Variants in FGF13 observed in about 807,000 individuals in gnomAD.
FGF13 encodes fibroblast growth factor 13, also known as fibroblast growth factor homologous factor 2.
A neutral mutation model predicts 19.5 loss-of-function variants in FGF13; 2 were observed. The observed-to-expected ratio is 0.10, with a 90% CI of 0.04 to 0.32. The LOEUF (loss-of-function observed/expected upper bound fraction) is 0.32, where lower values mean the gene tolerates loss of function less well. Among genes scored for constraint, FGF13 ranks in the 10% least tolerant of loss-of-function variants. The pLI, the probability that FGF13 is intolerant of heterozygous loss-of-function variation, is 1.00. For missense variants in FGF13, 113 were observed against 192.7 expected (o/e 0.59, Z 2.45); for synonymous variants, 72 against 76.9 (o/e 0.94, Z 0.33).
intron 3 of FGF13, among the ~76,000 whole-genome samples, chrX:138,846,217 G>A (rs995311389): frequency 9.2e-6 from 1 of 109,072 alleles, no homozygotes; most frequent in Admixed American, 9.8e-5. Flanking sequence ...GTGTGTGTGT[G>A]TGTGTATTCA....
intron 1 of FGF13, among the ~76,000 whole-genome samples, chrX:139,189,813 A>G (rs964960734): frequency 2.7e-5 from 3 of 111,976 alleles, no homozygotes; most frequent in African/African-American, 9.7e-5. Context: ...CTGTACACAT[A>G]AAAATGGTTA....
chrX:139,045,915 A>G lies in FGF13; in HGVS notation c.-113+157501T>C, dbSNP rs751877432. The stretch of plus-strand genomic sequence containing the variant: ...ACCTGTCTTCTTCTGAGCCCTCTAA[A>G]CTCTTCCAACCTATGCTCGTTACCC... On this transcript the variant is annotated intron_variant, in intron 1 of 2. Transcript: ENST00000421460. 7.6e-4 allele frequency among the ~76,000 whole-genome samples: 84 copies of G among 110,095 alleles called. 1 individual carries two copies. The highest frequency in any genetic ancestry group is 2.8e-3 in the African/African-American group (83 of 30,038).
At chrX:139,108,654 T>A (rs867460640) in intron 1 of FGF13, among the ~76,000 whole-genome samples, 2 of 111,111 alleles carry the variant, frequency 1.8e-5, no homozygotes, top group African/African-American at 3.3e-5. Context: ...GCATGGATTT[T>A]TATATATATA....
intron 1 of FGF13, among the ~76,000 whole-genome samples, chrX:138,972,406 G>C (rs2091921705): frequency 9.5e-6 from 1 of 105,103 alleles, no homozygotes; most frequent in Non-Finnish European, 1.9e-5. Flanking sequence ...GCCCAGGCTG[G>C]AGTGCAGTGG....
intron 1 of FGF13, among the ~76,000 whole-genome samples, chrX:138,871,071 T>C (rs2091355063): frequency 8.9e-6 from 1 of 112,186 alleles, no homozygotes; most frequent in Non-Finnish European, 1.9e-5. Flanking sequence ...TGTGGTAATA[T>C]GTTATGGCAG....
At chrX:139,014,747 A>C (rs1021164907) in intron 1 of FGF13, among the ~76,000 whole-genome samples, 1 of 111,709 alleles carries the variant, frequency 9.0e-6, no homozygotes, top group African/African-American at 3.2e-5. Context: ...TACCAAAGCC[A>C]GACAAAGATA....
chrX:138,708,581 T>G (rs1013419967), intron 2 of FGF13, among the ~76,000 whole-genome samples: 5 of 112,171 alleles, frequency 4.5e-5, no homozygotes, highest in African/African-American at 1.6e-4. Context: ...TAGATTTCCA[T>G]GGAGATGACA....
chrX:139,076,394 A>T (rs2124437733), intron 1 of FGF13, among the ~76,000 whole-genome samples: 1 of 111,944 alleles, frequency 8.9e-6, no homozygotes, highest in Non-Finnish European at 1.9e-5. Flanking sequence ...TTGGATACTT[A>T]CTTACTTTCA....
intron 1 of FGF13, among the ~76,000 whole-genome samples, chrX:139,063,312 A>G (rs756788257): frequency 1.8e-5 from 2 of 111,871 alleles, no homozygotes; most frequent in South Asian, 7.5e-4. Context: ...GTCTGTCTAC[A>G]TGCTCTCTTA....
chrX:138,849,575 G>A (rs1161815178), intron 3 of FGF13, among the ~76,000 whole-genome samples: 2 of 111,616 alleles, frequency 1.8e-5, no homozygotes, highest in African/African-American at 3.3e-5. Flanking sequence ...TCAGGATTGG[G>A]CTTGATTTGG....
At chrX:139,174,573 T>C (rs1319220067) in intron 1 of FGF13, among the ~76,000 whole-genome samples, 1 of 112,192 alleles carries the variant, frequency 8.9e-6, no homozygotes, top group East Asian at 2.8e-4. Context: ...AATTTTTGTA[T>C]AAGATGTAAG....
At position 139,130,444 on chromosome X, in the gene FGF13, CAT is replaced by C. The variant is rs368027906; in HGVS notation, c.-113+72970_-113+72971del. ...TTCTTCAATTGTTTGCAACTAAAAA[CAT>C]GTGTTAATTTGCTTTGAATTACATG... On this transcript the variant is annotated intron_variant, in intron 1 of 2. Transcript: ENST00000421460. Among the ~76,000 whole-genome samples the C allele has an allele frequency of 6.3e-3, 710 of 112,221 alleles. 3 individuals carry two copies. Among genetic ancestry groups the C allele is most frequent in the Non-Finnish European group, 0.01 (540 of 53,238 alleles).
At position 138,961,372 on chromosome X, in the gene FGF13, A is replaced by C. The variant is rs148833118; in HGVS notation, c.-112-96722T>G. 7.0e-3 allele frequency among the ~76,000 whole-genome samples: 779 copies of C among 111,161 alleles called. 7 individuals are homozygous for C. Among genetic ancestry groups the C allele is most frequent in the African/African-American group, 0.023 (716 of 30,602 alleles). On this transcript the variant is annotated intron_variant, in intron 1 of 2. Coordinates refer to the FGF13 transcript ENST00000421460. ...AGAACAGCAAATACTGCAGAACACGATCCTTCCTCTGGTAGCTTTGTCTCT... is the reference window on the plus strand; with the variant it reads ...AGAACAGCAAATACTGCAGAACACGCTCCTTCCTCTGGTAGCTTTGTCTCT...
intron 1 of FGF13, among the ~76,000 whole-genome samples, chrX:138,892,000 ATATGTGTGTGTG>A (rs1251028379): frequency 8.5e-5 from 4 of 46,949 alleles, no homozygotes; most frequent in African/African-American, 2.9e-4. Flanking sequence ...CTATATATAC[ATATGTGTGTGTG>A]TGTGTGTGTG....
In FGF13 at chrX:138,826,368, C is replaced by T. The variant is rs140444462; in HGVS notation, c.217+31144G>A. Among the ~76,000 whole-genome samples, 580 of 111,856 alleles carry T rather than the reference C, an allele frequency of 5.2e-3. 6 individuals are homozygous for T. Among genetic ancestry groups the T allele is most frequent in the African/African-American group, 0.017 (539 of 30,855 alleles). On this transcript the variant is annotated intron_variant, in intron 3 of 6. Transcript: ENST00000436198. ...CCAGGTGGCCTAAAATTTGGCACAC[C>T]CCTTAAATTCCTAACTCATTTCCAT...
At chrX:139,002,451 A>G (rs1239850954) in intron 1 of FGF13, among the ~76,000 whole-genome samples, 6 of 111,543 alleles carry the variant, frequency 5.4e-5, no homozygotes, top group Non-Finnish European at 1.1e-4. Context: ...CTGGGCCACA[A>G]GGACTGCAAA....
chrX:138,776,712 C>T (rs1407939518), intron 3 of FGF13, among the ~76,000 whole-genome samples: 1 of 112,104 alleles, frequency 8.9e-6, no homozygotes, highest in Non-Finnish European at 1.9e-5. Flanking sequence ...CTTCTTTCCT[C>T]TCTGTCCTTT....
At chrX:138,808,158 G>A (rs181227678) in intron 3 of FGF13, among the ~76,000 whole-genome samples, 192 of 111,565 alleles carry the variant, frequency 1.7e-3, no homozygotes, top group African/African-American at 5.9e-3. Context: ...GCACCACATC[G>A]CACTTATTCT....
intron 3 of FGF13, among the ~76,000 whole-genome samples, chrX:138,657,865 T>C (rs1317336029): frequency 8.9e-6 from 1 of 112,159 alleles, no homozygotes; most frequent in Admixed American, 9.5e-5. Context: ...TGTAGATCTT[T>C]GATAATTATG....
Sources: allele counts gnomAD v4.1 joint callset (sites outside exome capture counted in the v4.1 genomes callset), GRCh38; gene constraint gnomAD v4.1.1; transcripts MANE v1.5; gene names NCBI Gene and HGNC (gene_info 2026-07-23, HGNC 2026-07-21).